The following FBN1 variants were observed in gnomAD, a reference collection of about 807,000 sequenced individuals.
FBN1 encodes fibrillin 1.
A neutral mutation model predicts 365.1 loss-of-function variants in FBN1; 29 were observed. The ratio of observed to expected loss-of-function variants is 0.08; its 90% CI spans 0.06 to 0.11. The LOEUF is 0.11. Ranked by LOEUF, FBN1 falls within the 10% of genes least tolerant of loss-of-function variation. The pLI is 1.00. For synonymous variants in FBN1, 1,210 were observed against 1,270.5 expected, an observed-to-expected ratio of 0.95 and a Z score of 1.01; for missense variants, 2,476 against 3,703.2, an observed-to-expected ratio of 0.67 and a Z score of 8.60.
At chr15:48,572,219 G>A (rs1739440215) in intron 6 of FBN1, among the ~76,000 whole-genome samples, 1 of 152,088 alleles carries the variant, frequency 6.6e-6, no homozygotes, top group African/African-American at 2.4e-5. Context: ...TTAAGTAAAG[G>A]ATCGAAATGT....
chr15:48,626,030 T>A (rs1288084934), intron 2 of FBN1, among the ~76,000 whole-genome samples: 1 of 152,138 alleles, frequency 6.6e-6, no homozygotes, highest in Non-Finnish European at 1.5e-5. Context: ...AAGGTGGATA[T>A]GTTTATAAGA....
In FBN1 at chr15:48,609,764, C is replaced by T. The variant is rs1032408044; in HGVS notation, c.346+964G>A. 3.9e-5 allele frequency among the ~76,000 whole-genome samples: 6 copies of T among 152,318 alleles called. No individual in the cohort carries two copies. The South Asian group carries it at 1.0e-3, about 26-fold the overall frequency. ...GCTCTCAGGAAGAGTCCCCCGTGTT[C>T]ATCCATGAAGCCAAGGGAGGCAAGA... On this transcript the variant is annotated intron_variant, in intron 4 of 65. Transcript: ENST00000316623.
intron 15 of FBN1, among the ~76,000 whole-genome samples, chr15:48,508,226 A>T (rs1289467007): frequency 1.3e-5 from 2 of 152,220 alleles, no homozygotes; most frequent in African/African-American, 2.4e-5. Flanking sequence ...GCCACCAAGA[A>T]GCCTAACCAC....
At chr15:48,452,050 T>A (rs746557491) in intron 45 of FBN1, among the ~76,000 whole-genome samples, 1 of 152,246 alleles carries the variant, frequency 6.6e-6, no homozygotes, top group Non-Finnish European at 1.5e-5. Context: ...CCCTGTAAGA[T>A]GACTGGGAAG....
intron 50 of FBN1, among the ~76,000 whole-genome samples, chr15:48,441,395 A>C (rs1363695035): frequency 1.3e-5 from 2 of 152,174 alleles, no homozygotes; most frequent in African/African-American, 4.8e-5. Context: ...GGTAGGGGAT[A>C]TGTAGCTCAA....
chr15:48,468,431 T>C lies in FBN1; in HGVS notation c.4563A>G (p.Pro1521=). 6.2e-7 allele frequency: 1 copy of C among 1,614,190 alleles called. No homozygotes were observed. Among genetic ancestry groups the C allele is most frequent in the Non-Finnish European group, 8.5e-7 (1 of 1,180,028 alleles). Residue 1521 remains proline (P), a synonymous_variant, in exon 37 of 66, where the codon CCA becomes CCG. Transcript: ENST00000316623. ...TCTTACCAACACAGCCAACTCGAGTTGGGTTCAGTTCAAAATCAGGTGGGC... is the reference window on the plus strand; with the variant it reads ...TCTTACCAACACAGCCAACTCGAGTCGGGTTCAGTTCAAAATCAGGTGGGC... ...CDCPPDFELN[P]TRVGCVDTRS...
At chr15:48,499,108 G>C in intron 17 of FBN1, 70 bp from the exon 18 acceptor site, 1 of 1,471,274 alleles carries the variant, frequency 6.8e-7, no homozygotes, top group East Asian at 2.3e-5. Flanking sequence ...CCTTGGTTTT[G>C]CACACATCAT....
intron 6 of FBN1, among the ~76,000 whole-genome samples, chr15:48,581,981 TG>T (rs932796658): frequency 4.6e-5 from 7 of 152,102 alleles, no homozygotes; most frequent in African/African-American, 1.2e-4. Context: ...CTGACTAAGG[TG>T]GTATATGTTC....
chr15:48,464,147 A>T, intron 40 of FBN1, 126 bp from the exon 41 acceptor site: 1 of 887,092 alleles, frequency 1.1e-6, no homozygotes, highest in Non-Finnish European at 1.8e-6. Context: ...GATAACGAAA[A>T]TAGGTATTTC....
chr15:48,554,544 T>C (rs1254849090), intron 6 of FBN1, among the ~76,000 whole-genome samples: 3 of 152,170 alleles, frequency 2.0e-5, no homozygotes, highest in Non-Finnish European at 1.5e-5. Context: ...AAATCTATGA[T>C]AGAGGTTACC....
At chr15:48,596,482 C>T (rs1384219709) in intron 5 of FBN1, 104 bp from the exon 6 acceptor site, 26 of 1,103,602 alleles carry the variant, frequency 2.4e-5, no homozygotes, top group Non-Finnish European at 3.1e-5. Context: ...TCTAAAGTCA[C>T]CCTGGTGTTT....
At chr15:48,561,103 G>T (rs778630111) in intron 6 of FBN1, among the ~76,000 whole-genome samples, 2 of 152,172 alleles carry the variant, frequency 1.3e-5, no homozygotes, top group African/African-American at 2.4e-5. Context: ...AAACCCCAGT[G>T]ATGAGTGGTC....
At position 48,460,236 on chromosome 15, in the gene FBN1, C is replaced by T. The variant is rs771086305; in HGVS notation, c.5296+10G>A. The T allele has an allele frequency of 4.3e-6, 7 of 1,609,850 alleles. No homozygotes were observed. The Admixed American group carries it at 1.0e-4, about 23-fold the overall frequency. ...AACCAGAAAGTTCTGACAATGCCGTCATGACTCACCAACGGGTAAACCGGT... is the reference window on the plus strand; with the variant it reads ...AACCAGAAAGTTCTGACAATGCCGTTATGACTCACCAACGGGTAAACCGGT... On this transcript the variant is annotated intron_variant, in intron 43 of 65. Coordinates refer to ENST00000316623, the MANE Select transcript of FBN1 (RefSeq NM_000138.5).
At chr15:48,597,945 C>T (rs995167655) in intron 5 of FBN1, among the ~76,000 whole-genome samples, 1 of 152,178 alleles carries the variant, frequency 6.6e-6, no homozygotes, top group African/African-American at 2.4e-5. Context: ...TCAGGGAGCA[C>T]CAAGGGGAGC....
At chr15:48,589,837 C>T (rs117489623) in intron 6 of FBN1, among the ~76,000 whole-genome samples, 5,214 of 151,924 alleles carry the variant, frequency 0.034, 195 homozygotes, top group African/African-American at 0.087. Context: ...AGGATGGTCT[C>T]GATCTCCTGA....
intron 6 of FBN1, among the ~76,000 whole-genome samples, chr15:48,582,488 GA>G (rs1468477368): frequency 1.3e-5 from 2 of 152,224 alleles, no homozygotes; most frequent in East Asian, 3.9e-4. Flanking sequence ...TGTGGTATTA[GA>G]AAAAAATGAC....
intron 63 of FBN1, among the ~76,000 whole-genome samples, chr15:48,417,483 TCCTTCTC>T (rs1230976234): frequency 1.4e-5 from 2 of 141,022 alleles, no homozygotes; most frequent in African/African-American, 2.6e-5. Context: ...CTTCCTTCCT[TCCTTCTC>T]TCCTCCCCTC....
chr15:48,609,189 G>T (rs966736247), intron 4 of FBN1, among the ~76,000 whole-genome samples: 1 of 152,148 alleles, frequency 6.6e-6, no homozygotes, highest in East Asian at 1.9e-4. Flanking sequence ...CCAGTTCAGG[G>T]GCTCTTGCTA....
chr15:48,476,931 C>T (rs1241143501), intron 32 of FBN1, among the ~76,000 whole-genome samples: 8 of 151,782 alleles, frequency 5.3e-5, no homozygotes, highest in Non-Finnish European at 7.4e-5. Context: ...CCCAGCTGAG[C>T]GCATTTCTTT....
Sources: allele counts gnomAD v4.1 joint callset (sites outside exome capture counted in the v4.1 genomes callset), GRCh38; gene constraint gnomAD v4.1.1; transcripts MANE v1.5; gene names NCBI Gene and HGNC (gene_info 2026-07-23, HGNC 2026-07-21).